Variants in CRTAC1 observed in about 807,000 individuals in gnomAD.
The protein encoded by CRTAC1 is cartilage acidic protein 1.
A neutral mutation model predicts 67.8 loss-of-function variants in CRTAC1; 37 were observed. The ratio of observed to expected loss-of-function variants is 0.55; its 90% CI spans 0.42 to 0.72. The LOEUF (loss-of-function observed/expected upper bound fraction) is 0.72, where lower values mean the gene tolerates loss of function less well. Among genes scored for constraint, CRTAC1 ranks in the 30% least tolerant of loss-of-function variants. The pLI is 0.00. For missense variants in CRTAC1, 780 were observed against 931.6 expected, an observed-to-expected ratio of 0.84 and a Z score of 2.12; for synonymous variants, 348 against 371.0, an observed-to-expected ratio of 0.94 and a Z score of 0.71.
chr10:98,015,754 G>C (rs1320432065), intron 1 of CRTAC1, among the ~76,000 whole-genome samples: 1 of 152,188 alleles, frequency 6.6e-6, no homozygotes, highest in East Asian at 1.9e-4. Context: ...TGGTGGTCTT[G>C]TTAGAATGCA....
At chr10:97,869,174 C>T (rs933430332) in intron 14 of CRTAC1, 1 of 152,276 alleles carries the variant, frequency 6.6e-6, no homozygotes, top group African/African-American at 2.4e-5. Flanking sequence ...GACTTGGAGC[C>T]ATGCCTGGGT....
chr10:97,935,408 G>A (rs2051070947), intron 3 of CRTAC1, among the ~76,000 whole-genome samples: 1 of 152,182 alleles, frequency 6.6e-6, no homozygotes, highest in Non-Finnish European at 1.5e-5. Flanking sequence ...ATTCCTTAGT[G>A]TGCAGGACCT....
chr10:97,868,666 AGGGC>A (rs2050055125), intron 14 of CRTAC1: 1 of 152,142 alleles, frequency 6.6e-6, no homozygotes, highest in Non-Finnish European at 1.5e-5. Context: ...CTCTAATATG[AGGGC>A]AGGTTCATTC....
intron 14 of CRTAC1, chr10:97,870,584 C>T (rs972939676): frequency 4.6e-5 from 7 of 152,138 alleles, no homozygotes; most frequent in African/African-American, 1.4e-4. Flanking sequence ...GTGTATTTGT[C>T]TGTACTGGTG....
intron 5 of CRTAC1, among the ~76,000 whole-genome samples, chr10:97,912,659 C>T (rs1037970325): frequency 7.9e-5 from 12 of 152,134 alleles, no homozygotes; most frequent in African/African-American, 2.9e-4. Context: ...CTGAACTTCT[C>T]CAAGCTGTGG....
intron 8 of CRTAC1, among the ~76,000 whole-genome samples, chr10:97,897,499 T>C (rs2050478103): frequency 6.6e-6 from 1 of 152,224 alleles, no homozygotes; most frequent in South Asian, 2.1e-4. Flanking sequence ...GAATGTGAGC[T>C]CTCTGCAGGC....
intron 2 of CRTAC1, among the ~76,000 whole-genome samples, chr10:97,969,173 C>T (rs982129265): frequency 6.6e-5 from 10 of 152,274 alleles, no homozygotes; most frequent in Middle Eastern, 3.4e-3. Flanking sequence ...TTTTGGCCAA[C>T]GATGCCTGTA....
intron 2 of CRTAC1, among the ~76,000 whole-genome samples, chr10:97,943,481 G>A (rs2051210436): frequency 6.6e-6 from 1 of 152,132 alleles, no homozygotes; most frequent in African/African-American, 2.4e-5. Context: ...GGCCACTTGG[G>A]GCATTTCCTC....
intron 2 of CRTAC1, among the ~76,000 whole-genome samples, chr10:97,938,684 A>G (rs984880391): frequency 1.3e-5 from 2 of 152,198 alleles, no homozygotes; most frequent in Non-Finnish European, 2.9e-5. Context: ...GATGGCGAAG[A>G]TTATGATAGT....
intron 2 of CRTAC1, among the ~76,000 whole-genome samples, chr10:97,957,603 A>G (rs948906146): frequency 8.5e-5 from 13 of 152,156 alleles, no homozygotes; most frequent in African/African-American, 3.1e-4. Flanking sequence ...CCCAGGCCCC[A>G]TGGGATCCTA....
chr10:98,027,992 GTT>G (rs1843274376), intron 1 of CRTAC1, among the ~76,000 whole-genome samples: 1 of 152,226 alleles, frequency 6.6e-6, no homozygotes, highest in African/African-American at 2.4e-5. Context: ...GCATGTGAGT[GTT>G]GGGATGGAAT....
At chr10:97,908,238 G>T (rs1028259329) in intron 5 of CRTAC1, 91 bp from the exon 6 acceptor site, 3 of 1,388,264 alleles carry the variant, frequency 2.2e-6, no homozygotes, top group Non-Finnish European at 3.0e-6. Flanking sequence ...GAGGGGAACT[G>T]CAGCAGAGGC....
intron 2 of CRTAC1, among the ~76,000 whole-genome samples, chr10:97,985,051 C>T (rs1423752885): frequency 6.6e-6 from 1 of 152,146 alleles, no homozygotes; most frequent in Non-Finnish European, 1.5e-5. Context: ...GTGGCTCCAC[C>T]CCTTGGCCAG....
intron 14 of CRTAC1, chr10:97,878,640 A>G (rs1261971522): frequency 1.5e-6 from 2 of 1,304,004 alleles, no homozygotes; most frequent in Admixed American, 4.6e-5. Flanking sequence ...TGGCTACAGG[A>G]GCATTCTATT....
intron 1 of CRTAC1, among the ~76,000 whole-genome samples, chr10:98,018,455 T>A (rs947356767): frequency 6.6e-6 from 1 of 152,134 alleles, no homozygotes; most frequent in Admixed American, 6.5e-5. Context: ...ACTTGCACGT[T>A]CCCCTTCTTT....
chr10:97,896,087 C>T (rs1326674414), intron 9 of CRTAC1, 102 bp from the exon 10 acceptor site: 2 of 1,011,554 alleles, frequency 2.0e-6, no homozygotes, highest in Admixed American at 1.9e-5. Context: ...GGCGTGGGAG[C>T]CAGAGAAAGC....
intron 2 of CRTAC1, among the ~76,000 whole-genome samples, chr10:97,983,445 A>T (rs1409937852): frequency 3.3e-5 from 5 of 151,786 alleles, no homozygotes. Context: ...GAGTTACAGA[A>T]CAAATAAATA....
intron 2 of CRTAC1, among the ~76,000 whole-genome samples, chr10:97,985,978 G>A (rs1398106291): frequency 6.6e-6 from 1 of 152,194 alleles, no homozygotes; most frequent in Non-Finnish European, 1.5e-5. Context: ...GTTATTCCAA[G>A]CCAGAGCACC....
intron 2 of CRTAC1, among the ~76,000 whole-genome samples, chr10:97,973,604 C>A (rs2051750191): frequency 6.6e-6 from 1 of 152,176 alleles, no homozygotes. Flanking sequence ...CCACTACCAA[C>A]CTGCTGATTT....
Sources: gnomAD v4.1 joint callset for allele counts (sites outside exome capture counted in the v4.1 genomes callset) on GRCh38, gnomAD v4.1.1 for gene constraint, MANE v1.5 for transcripts, NCBI Gene and HGNC (gene_info 2026-07-23, HGNC 2026-07-21) for gene names.